Variants in TUBB8B observed in about 807,000 individuals in gnomAD.
TUBB8B encodes the protein HSA18p11 beta-tubulin 4Q pseudogene.
Under a neutral mutation model 31.9 loss-of-function variants are expected in TUBB8B, and 26 were observed. That is an observed-to-expected ratio of 0.81 (90% CI 0.60 to 1.13). TUBB8B has a LOEUF of 1.13. Among genes scored for constraint, TUBB8B ranks in the 50% most tolerant of loss-of-function variants. TUBB8B has a pLI of 0.00. For synonymous variants in TUBB8B, 173 were observed against 231.0 expected (o/e 0.75, Z 2.28); for missense variants, 467 against 586.7 (o/e 0.80, Z 2.11).
chr18:54,082 T>C (rs1156460802), upstream of TUBB8B, among the ~76,000 whole-genome samples: 8 of 151,648 alleles, frequency 5.3e-5, 1 homozygote, highest in East Asian at 3.9e-4. Flanking sequence ...AAATTCTCTT[T>C]TTTCCACTTA....
the TUBB8B span, among the ~76,000 whole-genome samples, chr18:60,744 T>C: frequency 6.6e-6 from 1 of 151,792 alleles, no homozygotes; most frequent in Non-Finnish European, 1.5e-5. Flanking sequence ...AGCATACTGT[T>C]TAATGTCCAA....
At chr18:65,490 A>C in the TUBB8B span, among the ~76,000 whole-genome samples, 1 of 152,192 alleles carries the variant, frequency 6.6e-6, no homozygotes, top group Admixed American at 6.5e-5. Context: ...TACTAATTTC[A>C]ATAGATGCAG....
At chr18:56,635 T>C in the TUBB8B span, among the ~76,000 whole-genome samples, 2 of 151,942 alleles carry the variant, frequency 1.3e-5, no homozygotes, top group Admixed American at 6.6e-5. Context: ...TGTTGGCATA[T>C]AGAAATCCTA....
chr18:62,717 G>C, the TUBB8B span, among the ~76,000 whole-genome samples: 1 of 151,702 alleles, frequency 6.6e-6, no homozygotes, highest in African/African-American at 2.4e-5. Context: ...CACTGCACTG[G>C]GCCAATAAAT....
chr18:52,182 G>A (rs1253305791), upstream of TUBB8B, among the ~76,000 whole-genome samples: 6 of 151,948 alleles, frequency 3.9e-5, no homozygotes, highest in Admixed American at 3.9e-4. Context: ...AGTGGTAGCA[G>A]CAATAGCTCT....
At chr18:52,220 T>C (rs1906137702), upstream of TUBB8B, among the ~76,000 whole-genome samples, 1 of 151,952 alleles carries the variant, frequency 6.6e-6, no homozygotes, top group Admixed American at 6.6e-5. Context: ...AGTCAGAGGA[T>C]TGCTGAGGAA....
chr18:49,760 G>C (rs960390036), upstream of TUBB8B: 2 of 675,452 alleles, frequency 3.0e-6, no homozygotes, highest in African/African-American at 3.5e-5. Flanking sequence ...GTCTGTTGGA[G>C]AACTCAGGTG....
chr18:72,177 C>CAAAAAAAAAAAAAAAAAAAAA, the TUBB8B span, among the ~76,000 whole-genome samples: 223 of 78,684 alleles, frequency 2.8e-3, no homozygotes, highest in Middle Eastern at 0.019. Context: ...GACTCCATCT[C>CAAAAAAAAAAAAAAAAAAAAA]AAAAAAAAAA....
the TUBB8B span, among the ~76,000 whole-genome samples, chr18:59,009 C>A: frequency 6.6e-6 from 1 of 151,520 alleles, no homozygotes; most frequent in Non-Finnish European, 1.5e-5. Flanking sequence ...TTTAAATAAC[C>A]AGGTCTTATG....
At chr18:65,844 A>G in the TUBB8B span, among the ~76,000 whole-genome samples, 2 of 152,226 alleles carry the variant, frequency 1.3e-5, no homozygotes, top group African/African-American at 2.4e-5. Context: ...CTAGTAAACT[A>G]CAACACAAAA....
chr18:62,236 T>G, the TUBB8B span, among the ~76,000 whole-genome samples: 1 of 151,696 alleles, frequency 6.6e-6, no homozygotes, highest in Non-Finnish European at 1.5e-5. Flanking sequence ...ATGTTATTTG[T>G]GTCTCTTCTC....
At chr18:52,151 A>T (rs2144068467), upstream of TUBB8B, among the ~76,000 whole-genome samples, 1 of 151,952 alleles carries the variant, frequency 6.6e-6, no homozygotes, top group East Asian at 1.9e-4. Flanking sequence ...ATGTTAGTTT[A>T]TTAGCTTTGC....
the TUBB8B span, among the ~76,000 whole-genome samples, chr18:57,865 ACACT>A: frequency 1.9e-4 from 29 of 152,110 alleles, 1 homozygote; most frequent in Admixed American, 5.2e-4. Flanking sequence ...TGCATTTTGT[ACACT>A]CACAGGCCTA....
At position 48,065 on chromosome 18, in the gene TUBB8B, G is replaced by A. The variant is rs745965472; in HGVS notation, c.660C>T (p.Pro220=). Residue 220 remains proline (P), a synonymous_variant, in exon 4 of 4, where the codon CCC becomes CCT. Coordinates refer to ENST00000308911, the MANE Select transcript of TUBB8B (RefSeq NM_001358689.2). ...ICSRTLKLPT[P]TYGDLNHLVS... is the part of the protein sequence containing the mutation. ...CCAGGTGGTTCAGGTCACCATAGGTGGGTGTGGGCAGTTTTAGGGTCCTGG... is the reference window on the plus strand; with the variant it reads ...CCAGGTGGTTCAGGTCACCATAGGTAGGTGTGGGCAGTTTTAGGGTCCTGG... The A allele has an allele frequency of 2.5e-6, 4 of 1,613,508 alleles. No homozygotes were observed. The highest frequency in any genetic ancestry group is 1.3e-5 in the African/African-American group (1 of 74,962).
chr18:70,883 G>A, the TUBB8B span, among the ~76,000 whole-genome samples: 1 of 148,834 alleles, frequency 6.7e-6, no homozygotes, highest in South Asian at 2.1e-4. Flanking sequence ...AGGTTGCAGT[G>A]AGCCGAGATC....
chr18:65,537 A>C, the TUBB8B span, among the ~76,000 whole-genome samples: 2 of 152,154 alleles, frequency 1.3e-5, no homozygotes, highest in African/African-American at 4.8e-5. Flanking sequence ...ATTTCATCAT[A>C]AAAACACCCA....
chr18:57,802 G>C, the TUBB8B span, among the ~76,000 whole-genome samples: 1 of 151,908 alleles, frequency 6.6e-6, no homozygotes, highest in African/African-American at 2.4e-5. Context: ...GCACACCCTA[G>C]CTTTTTTATA....
chr18:64,203 A>G, the TUBB8B span, among the ~76,000 whole-genome samples: 2 of 152,066 alleles, frequency 1.3e-5, no homozygotes, highest in African/African-American at 4.8e-5. Context: ...ACCCTAACAC[A>G]CTAGGCACAC....
At chr18:50,437 A>AT (rs374862188), upstream of TUBB8B, 4 of 149,804 alleles carry the variant, frequency 2.7e-5, no homozygotes, top group South Asian at 2.1e-4. Flanking sequence ...AGGTTCCTCA[A>AT]TTTTGGACAG....
Sources: gnomAD v4.1 joint callset for allele counts (sites outside exome capture counted in the v4.1 genomes callset) on GRCh38, gnomAD v4.1.1 for gene constraint, MANE v1.5 for transcripts, NCBI Gene and HGNC (gene_info 2026-07-23, HGNC 2026-07-21) for gene names.